Variants in HS3ST3A1 observed in about 807,000 individuals in gnomAD.
HS3ST3A1 encodes heparan sulfate-glucosamine 3-sulfotransferase 3A1.
In HS3ST3A1, 19 loss-of-function variants were observed where a neutral mutation model predicts 25.7. The observed-to-expected ratio is 0.74, with a 90% CI of 0.52 to 1.08. HS3ST3A1 has a LOEUF of 1.08. Among genes scored for constraint, HS3ST3A1 ranks in the 50% least tolerant of loss-of-function variants. The pLI is 0.00. For missense variants in HS3ST3A1, 459 were observed against 594.3 expected, an observed-to-expected ratio of 0.77 and a Z score of 2.37; for synonymous variants, 226 against 278.6, an observed-to-expected ratio of 0.81 and a Z score of 1.88.
At chr17:13,550,988 AC>A (rs1324200950) in intron 1 of HS3ST3A1, among the ~76,000 whole-genome samples, 1 of 149,344 alleles carries the variant, frequency 6.7e-6, no homozygotes, top group Non-Finnish European at 1.5e-5. Flanking sequence ...AATGGCATGA[AC>A]CCGGGAGGCG....
chr17:13,589,068 C>T lies in HS3ST3A1; in HGVS notation c.599+11463G>A, dbSNP rs946581818. On this transcript the variant is annotated intron_variant, in intron 1 of 1. Coordinates refer to ENST00000284110, the MANE Select transcript of HS3ST3A1 (RefSeq NM_006042.3). ...TTGTCTAACTCTGACCTTCACCACACGTCACAGGCTGTAAACTTGCAGCCA... is the reference window on the plus strand; with the variant it reads ...TTGTCTAACTCTGACCTTCACCACATGTCACAGGCTGTAAACTTGCAGCCA... Among the ~76,000 whole-genome samples the T allele has an allele frequency of 2.6e-5, 4 of 152,218 alleles. No homozygotes were observed. In the South Asian group the frequency reaches 8.3e-4, roughly 32 times the overall value.
At chr17:13,553,445 C>A (rs1907293701) in intron 1 of HS3ST3A1, among the ~76,000 whole-genome samples, 1 of 152,170 alleles carries the variant, frequency 6.6e-6, no homozygotes, top group Non-Finnish European at 1.5e-5. Context: ...TCATTACAGA[C>A]CTCTTTGATG....
At chr17:13,525,748 C>T (rs1268841036) in intron 1 of HS3ST3A1, among the ~76,000 whole-genome samples, 3 of 152,142 alleles carry the variant, frequency 2.0e-5, no homozygotes, top group Non-Finnish European at 4.4e-5. Flanking sequence ...GCTGACCTTA[C>T]AGGGCACCAG....
chr17:13,553,233 T>C (rs3785699), intron 1 of HS3ST3A1, among the ~76,000 whole-genome samples: 66,736 of 151,910 alleles, frequency 0.44, 15,710 homozygotes, highest in Middle Eastern at 0.53. Context: ...CAGTGCTGGG[T>C]TGAGGAGAGG....
At chr17:13,516,983 G>A (rs977683351) in intron 1 of HS3ST3A1, among the ~76,000 whole-genome samples, 2 of 151,896 alleles carry the variant, frequency 1.3e-5, no homozygotes, top group African/African-American at 2.4e-5. Context: ...ACTGTGCCCC[G>A]CCAAGGCAGA....
chr17:13,526,360 G>C (rs1906418913), intron 1 of HS3ST3A1, among the ~76,000 whole-genome samples: 1 of 150,858 alleles, frequency 6.6e-6, no homozygotes, highest in Non-Finnish European at 1.5e-5. Flanking sequence ...TACTGACAGT[G>C]CTTTTTCCTT....
At chr17:13,556,850 T>TAAAA (rs71144974) in intron 1 of HS3ST3A1, among the ~76,000 whole-genome samples, 1 of 124,916 alleles carries the variant, frequency 8.0e-6, no homozygotes, top group Non-Finnish European at 1.8e-5. Flanking sequence ...AAACTCCGCC[T>TAAAA]AAAAAAAAAA....
chr17:13,589,008 G>T (rs1908351997), intron 1 of HS3ST3A1, among the ~76,000 whole-genome samples: 1 of 150,434 alleles, frequency 6.6e-6, no homozygotes, highest in Admixed American at 6.6e-5. Context: ...TGTGATTCAT[G>T]TTTGAAAAAC....
At chr17:13,533,768 ATAGTC>A (rs1446331158) in intron 1 of HS3ST3A1, among the ~76,000 whole-genome samples, 1 of 152,164 alleles carries the variant, frequency 6.6e-6, no homozygotes, top group African/African-American at 2.4e-5. Context: ...GTCAAAGATC[ATAGTC>A]TAGAGTATAA....
intron 1 of HS3ST3A1, among the ~76,000 whole-genome samples, chr17:13,595,178 G>T (rs1377089687): frequency 6.6e-6 from 1 of 152,198 alleles, no homozygotes; most frequent in Middle Eastern, 3.2e-3. Context: ...ATAAATGTAA[G>T]TTTTTAGGGG....
At chr17:13,569,078 A>G (rs1197078614) in intron 1 of HS3ST3A1, among the ~76,000 whole-genome samples, 1 of 152,174 alleles carries the variant, frequency 6.6e-6, no homozygotes, top group Admixed American at 6.5e-5. Context: ...GGAGCGTGTC[A>G]AGATGCTTGG....
At chr17:13,560,949 T>C (rs1004200588) in intron 1 of HS3ST3A1, among the ~76,000 whole-genome samples, 2 of 152,206 alleles carry the variant, frequency 1.3e-5, no homozygotes, top group Admixed American at 6.5e-5. Flanking sequence ...TGACACCATG[T>C]AGCCTATGGG....
intron 1 of HS3ST3A1, among the ~76,000 whole-genome samples, chr17:13,515,267 C>T (rs1014818146): frequency 1.3e-5 from 2 of 152,188 alleles, no homozygotes; most frequent in African/African-American, 4.8e-5. Context: ...TCAGGCGATT[C>T]TCCCGCCTCA....
At chr17:13,514,816 C>A (rs1044566448) in intron 1 of HS3ST3A1, among the ~76,000 whole-genome samples, 1 of 152,190 alleles carries the variant, frequency 6.6e-6, no homozygotes, top group African/African-American at 2.4e-5. Context: ...CAAATCAGTA[C>A]ACATACTGGA....
intron 1 of HS3ST3A1, among the ~76,000 whole-genome samples, chr17:13,567,349 C>T (rs1327222277): frequency 6.6e-6 from 1 of 152,172 alleles, no homozygotes; most frequent in Non-Finnish European, 1.5e-5. Context: ...TCTAAGATCT[C>T]TGAGGTATAA....
chr17:13,501,016 CAAAT>C (rs371780160), intron 1 of HS3ST3A1, among the ~76,000 whole-genome samples: 4 of 152,290 alleles, frequency 2.6e-5, no homozygotes, highest in African/African-American at 9.6e-5. Flanking sequence ...GACAAAAAGA[CAAAT>C]ACTGTATGAG....
intron 1 of HS3ST3A1, among the ~76,000 whole-genome samples, chr17:13,574,877 A>AG (rs1403920568): frequency 2.0e-5 from 3 of 152,108 alleles, no homozygotes; most frequent in African/African-American, 7.2e-5. Flanking sequence ...GTCCCTTGCA[A>AG]GGGGGGTCTG....
chr17:13,551,635 G>GAA (rs1907251209), intron 1 of HS3ST3A1, among the ~76,000 whole-genome samples: 1 of 143,364 alleles, frequency 7.0e-6, no homozygotes, highest in Non-Finnish European at 1.5e-5. Flanking sequence ...AGGGGGGGGG[G>GAA]TATTTTTACG....
chr17:13,502,038 A>G (rs2142293866), intron 1 of HS3ST3A1, among the ~76,000 whole-genome samples: 1 of 152,190 alleles, frequency 6.6e-6, no homozygotes, highest in South Asian at 2.1e-4. Context: ...CCAGGAAGGA[A>G]ACTGCTTGGC....
Sources: allele counts gnomAD v4.1 joint callset (sites outside exome capture counted in the v4.1 genomes callset), GRCh38; gene constraint gnomAD v4.1.1; transcripts MANE v1.5; gene names NCBI Gene and HGNC (gene_info 2026-07-23, HGNC 2026-07-21).